The following CDCA7L variants were observed in gnomAD, a reference collection of about 807,000 sequenced individuals.
CDCA7L encodes the protein cell division cycle-associated 7-like protein.
Under a neutral mutation model 57.4 loss-of-function variants are expected in CDCA7L, and 44 were observed. That is an observed-to-expected ratio of 0.77 (90% CI 0.60 to 0.98). The LOEUF (loss-of-function observed/expected upper bound fraction) is 0.98. Ranked by LOEUF, CDCA7L falls within the 50% of genes least tolerant of loss-of-function variation. The pLI is 0.00. For synonymous variants in CDCA7L, 236 were observed against 202.8 expected, an observed-to-expected ratio of 1.16 and a Z score of -1.39; for missense variants, 644 against 580.6, an observed-to-expected ratio of 1.11 and a Z score of -1.12.
rs1359283401 is a variant in CDCA7L at position 21,908,466 on chromosome 7, C to G, written c.345G>C (p.Leu115Phe). ...CTTCATCTTCCTCTTCCTCGCTCAC[C>G]AAAGATGCTTTGCCATCATCACTCA... Reference protein sequence around the residue: ...SDLSDDGKASLVSEEEEDEEE... With the variant: ...SDLSDDGKASFVSEEEEDEEE... The change falls in exon 4 of 10, where the codon TTG becomes TTC. Residue 115 changes from leucine to phenylalanine, a missense_variant. Coordinates refer to ENST00000406877, the MANE Select transcript of CDCA7L (RefSeq NM_018719.5). The G allele has an allele frequency of 1.3e-6, 2 of 1,550,858 alleles. No homozygotes were observed. The highest frequency in any genetic ancestry group is 1.7e-6 in the Non-Finnish European group (2 of 1,156,274).
At position 21,901,185 on chromosome 7, in the gene CDCA7L, C is replaced by T. The variant is rs370038827; in HGVS notation, c.*1137G>A. ...GAGGCCCCAGCTACATCTGGACCTT[C>T]AGGCTGAAGAGCGAAGAGAAGACTG... On this transcript the variant is annotated 3_prime_UTR_variant, in exon 10 of 10. Coordinates refer to ENST00000406877, the MANE Select transcript of CDCA7L (RefSeq NM_018719.5). The T allele has an allele frequency of 1.7e-5, 27 of 1,613,196 alleles. No homozygotes were observed. In the African/African-American group the frequency reaches 2.9e-4, roughly 18 times the overall value.
chr7:21,908,957 A>G (rs1453632128), intron 3 of CDCA7L, among the ~76,000 whole-genome samples: 1 of 152,218 alleles, frequency 6.6e-6, no homozygotes, highest in South Asian at 2.1e-4. Context: ...AGACTCCTGA[A>G]TAACAGGGCG....
Position 21,901,164 on chromosome 7 carries a change from C to A in CDCA7L, c.*1158G>T, listed in dbSNP as rs769884268. 2 of 1,611,746 alleles carry A rather than the reference C, an allele frequency of 1.2e-6. No homozygotes were observed. The highest frequency in any genetic ancestry group is 3.3e-5 in the Admixed American group (2 of 59,886). On this transcript the variant is annotated 3_prime_UTR_variant, in exon 10 of 10. Coordinates refer to ENST00000406877, the MANE Select transcript of CDCA7L (RefSeq NM_018719.5). ...CTGTGTATAGAACCAAACTGAGAGGCCCCAGCTACATCTGGACCTTCAGGC... is the reference window on the plus strand; with the variant it reads ...CTGTGTATAGAACCAAACTGAGAGGACCCAGCTACATCTGGACCTTCAGGC...
intron 6 of CDCA7L, among the ~76,000 whole-genome samples, chr7:21,905,892 T>C (rs1050333044): frequency 6.6e-6 from 1 of 152,212 alleles, no homozygotes; most frequent in African/African-American, 2.4e-5. Context: ...TGAACCACAC[T>C]GAACAGCCAA....
At chr7:21,932,267 C>G (rs1786041045) in intron 1 of CDCA7L, among the ~76,000 whole-genome samples, 1 of 152,168 alleles carries the variant, frequency 6.6e-6, no homozygotes, top group African/African-American at 2.4e-5. Flanking sequence ...CATCAAGATA[C>G]CAATGACTTT....
At chr7:21,903,239 T>G in intron 8 of CDCA7L, 125 bp from the exon 9 acceptor site, 1 of 886,412 alleles carries the variant, frequency 1.1e-6, no homozygotes, top group Non-Finnish European at 1.7e-6. Flanking sequence ...CATCTTTCAG[T>G]CTACGTCCCA....
At chr7:21,920,749 T>C (rs558559602) in intron 1 of CDCA7L, among the ~76,000 whole-genome samples, 1 of 152,208 alleles carries the variant, frequency 6.6e-6, no homozygotes, top group Non-Finnish European at 1.5e-5. Flanking sequence ...AAGACACCTT[T>C]TGTTGTTGTT....
chr7:21,935,076 CCAA>C (rs1305392890), intron 1 of CDCA7L, among the ~76,000 whole-genome samples: 2 of 152,058 alleles, frequency 1.3e-5, no homozygotes, highest in Non-Finnish European at 2.9e-5. Flanking sequence ...AGCACTCAAC[CCAA>C]CAACAGAATA....
rs1785193549 is a variant in CDCA7L at position 21,908,018 on chromosome 7, G to A, written c.681+112C>T. ...CACAATACCCAGAGTATATTTTCTT[G>A]ACAGAAGCCAAAGCAACAGCAGCAG... is the stretch of plus-strand genomic sequence containing the variant. On this transcript the variant is annotated intron_variant, in intron 4 of 9. Coordinates refer to ENST00000406877, the MANE Select transcript of CDCA7L (RefSeq NM_018719.5). 4 of 1,200,380 alleles carry A rather than the reference G, an allele frequency of 3.3e-6. No homozygotes were observed. In the South Asian group the frequency reaches 5.1e-5, roughly 15 times the overall value. 74.4% of individuals were successfully genotyped at this position (1,200,380 alleles called of 1,614,324 possible). A position where few individuals can be genotyped will look rare whatever the true frequency, so the allele number is the denominator to read the frequency against.
intron 1 of CDCA7L, among the ~76,000 whole-genome samples, chr7:21,917,870 A>G (rs1024428837): frequency 1.1e-5 from 1 of 87,598 alleles, no homozygotes; most frequent in Non-Finnish European, 2.1e-5. Flanking sequence ...CCACAAAACC[A>G]TAATTGTACC....
intron 3 of CDCA7L, among the ~76,000 whole-genome samples, chr7:21,911,190 C>A (rs1034588720): frequency 6.6e-6 from 1 of 151,598 alleles, no homozygotes; most frequent in African/African-American, 2.4e-5. Context: ...CCACCACGCC[C>A]GGCTAATTTT....
At position 21,901,350 on chromosome 7, in the gene CDCA7L, A is replaced by G; in HGVS notation, c.*972T>C. ...CCCATGCACATTATTCTAACTTTTT[A>G]GTAACTCACACGTGCATTCTTTTTT... On this transcript the variant is annotated 3_prime_UTR_variant, in exon 10 of 10. Transcript: ENST00000406877. The G allele has an allele frequency of 2.9e-6, 4 of 1,394,558 alleles. No homozygotes were observed. The highest frequency in any genetic ancestry group is 3.7e-6 in the Non-Finnish European group (4 of 1,067,444). The allele number at this position is 1,394,558 out of a possible 1,614,324, so 86.4% of individuals were successfully genotyped here.
intron 1 of CDCA7L, among the ~76,000 whole-genome samples, chr7:21,934,854 A>G (rs1218812478): frequency 6.6e-6 from 1 of 152,246 alleles, no homozygotes; most frequent in African/African-American, 2.4e-5. Context: ...CCAATTCACT[A>G]GAAGATAGAA....
At chr7:21,934,756 A>G (rs931955760) in intron 1 of CDCA7L, among the ~76,000 whole-genome samples, 14 of 152,202 alleles carry the variant, frequency 9.2e-5, no homozygotes, top group African/African-American at 3.4e-4. Flanking sequence ...ATAATAACCA[A>G]AAGAGAGATG....
chr7:21,911,329 G>C (rs1248243597), intron 3 of CDCA7L, among the ~76,000 whole-genome samples: 2 of 151,814 alleles, frequency 1.3e-5, no homozygotes, highest in African/African-American at 4.8e-5. Flanking sequence ...GCCTGGCCAA[G>C]AGAGATAAAT....
chr7:21,900,971 T>A lies in CDCA7L; in HGVS notation c.*1351A>T. On this transcript the variant is annotated 3_prime_UTR_variant, in exon 10 of 10. Coordinates refer to ENST00000406877, the MANE Select transcript of CDCA7L (RefSeq NM_018719.5). ...TTGATCATTATCATTAGTAGCAAGCTGCCACACAATTGCAACCGCTGTGTT... is the reference window on the plus strand; with the variant it reads ...TTGATCATTATCATTAGTAGCAAGCAGCCACACAATTGCAACCGCTGTGTT... 1 of 1,534,242 alleles carries A rather than the reference T, an allele frequency of 6.5e-7. No individual in the cohort carries two copies. Among genetic ancestry groups the A allele is most frequent in the East Asian group, 2.3e-5 (1 of 43,922 alleles).
intron 2 of CDCA7L, among the ~76,000 whole-genome samples, chr7:21,915,857 GC>G (rs1785467853): frequency 6.6e-6 from 1 of 151,902 alleles, no homozygotes; most frequent in Non-Finnish European, 1.5e-5. Context: ...ATAACAAAGA[GC>G]AAAAGGTGTA....
intron 1 of CDCA7L, among the ~76,000 whole-genome samples, chr7:21,933,963 A>G (rs1259245897): frequency 5.9e-5 from 9 of 152,112 alleles, no homozygotes; most frequent in Non-Finnish European, 1.2e-4. Context: ...CCCTTCAAAA[A>G]TGAGATAAAA....
intron 8 of CDCA7L, chr7:21,903,860 G>T: frequency 2.7e-6 from 1 of 377,302 alleles, no homozygotes; most frequent in Non-Finnish European, 4.7e-6. Context: ...AAAACTAGAG[G>T]ACTGTAAGCA....
Sources: gnomAD v4.1 joint callset for allele counts (sites outside exome capture counted in the v4.1 genomes callset) on GRCh38, gnomAD v4.1.1 for gene constraint, MANE v1.5 for transcripts, NCBI Gene and HGNC (gene_info 2026-07-23, HGNC 2026-07-21) for gene names.